The following ZNF66 variants were observed in gnomAD, a reference collection of about 807,000 sequenced individuals.
ZNF66 encodes putative zinc finger protein 66.
In ZNF66, 32 loss-of-function variants were observed where a neutral mutation model predicts 35.2. The ratio of observed to expected loss-of-function variants is 0.91; its 90% CI spans 0.69 to 1.22. ZNF66 has a LOEUF of 1.22. Ranked by LOEUF, ZNF66 falls within the 50% of genes most tolerant of loss-of-function variation. The pLI is 0.00. For synonymous variants in ZNF66, 231 were observed against 181.3 expected (o/e 1.27, Z -2.20); for missense variants, 666 against 543.1 (o/e 1.23, Z -2.25).
At chr19:20,780,383 C>T (rs944714450) in intron 1 of ZNF66, among the ~76,000 whole-genome samples, 59 of 152,108 alleles carry the variant, frequency 3.9e-4, no homozygotes, top group African/African-American at 2.4e-5. Flanking sequence ...TCCTGGGCTG[C>T]GTCTCACATA....
intron 1 of ZNF66, 136 bp downstream of exon 1, chr19:20,776,586 A>G: frequency 2.4e-6 from 3 of 1,244,754 alleles, no homozygotes; most frequent in Non-Finnish European, 3.5e-6. Flanking sequence ...CAGCCATAAG[A>G]TGGCGGCTAC....
At chr19:20,801,102 A>G (rs540542415) in intron 3 of ZNF66, among the ~76,000 whole-genome samples, 2 of 152,200 alleles carry the variant, frequency 1.3e-5, no homozygotes, top group African/African-American at 4.8e-5. Context: ...TCATTGTCCC[A>G]TGGTCGTACT....
In ZNF66 at chr19:20,807,394, GGAAA is replaced by G. The variant is rs1461152161; in HGVS notation, c.*75_*78del. ...AAACCCTATGAGTTTGATGAATGTGGGAAAGACTTTAACCAGCTATCAACTTTTA... is the reference window on the plus strand; with the variant it reads ...AAACCCTATGAGTTTGATGAATGTGGGACTTTAACCAGCTATCAACTTTTA... On this transcript the variant is annotated 3_prime_UTR_variant, in exon 4 of 4. Coordinates refer to ENST00000344519, the MANE Select transcript of ZNF66 (RefSeq NM_001355197.2). 1.8e-6 allele frequency: 1 copy of G among 560,426 alleles called. No homozygotes were observed. Among genetic ancestry groups the G allele is most frequent in the African/African-American group, 1.9e-5 (1 of 52,944 alleles). 34.7% of individuals were successfully genotyped at this position (560,426 alleles called of 1,614,324 possible).
intron 3 of ZNF66, 191 bp downstream of exon 3, chr19:20,794,069 T>A: frequency 1.7e-6 from 1 of 586,122 alleles, no homozygotes; most frequent in South Asian, 2.0e-5. Context: ...TATTGTCTTA[T>A]GCTTCTAAAT....
rs1335462976 is a variant in ZNF66 at position 20,809,217 on chromosome 19, A to G, written c.*1895A>G. On this transcript the variant is annotated 3_prime_UTR_variant, in exon 4 of 4. Transcript: ENST00000344519. ...ATCTACCTCTGATTGGTGTACCTGA[A>G]AGTGAGGGGGAGAATGGAACCAACT... is the stretch of plus-strand genomic sequence containing the variant. Among the ~76,000 whole-genome samples the G allele has an allele frequency of 5.3e-5, 8 of 152,214 alleles. No homozygotes were observed. Among genetic ancestry groups the G allele is most frequent in the Admixed American group, 4.6e-4 (7 of 15,278 alleles).
chr19:20,779,827 C>A (rs1276780850), intron 1 of ZNF66, among the ~76,000 whole-genome samples: 1 of 150,992 alleles, frequency 6.6e-6, no homozygotes, highest in African/African-American at 2.4e-5. Context: ...ACTCGGGAGG[C>A]TGAGGCAGGA....
chr19:20,782,394 T>A (rs8102151), intron 1 of ZNF66, among the ~76,000 whole-genome samples: 119,226 of 152,144 alleles, frequency 0.78, 46,993 homozygotes, highest in Non-Finnish European at 0.83. Flanking sequence ...ATACCCAATT[T>A]TGAGATTTCT....
intron 3 of ZNF66, among the ~76,000 whole-genome samples, chr19:20,797,580 T>G (rs978830580): frequency 5.3e-5 from 8 of 151,736 alleles, no homozygotes; most frequent in African/African-American, 1.9e-4. Context: ...TTTTTTTTTT[T>G]TGGGATGGAG....
At chr19:20,782,879 C>T (rs1971257056) in intron 1 of ZNF66, among the ~76,000 whole-genome samples, 1 of 151,948 alleles carries the variant, frequency 6.6e-6, no homozygotes, top group African/African-American at 2.4e-5. Context: ...TCAATTTTTG[C>T]TTTTGTTGCA....
chr19:20,789,817 T>A lies in ZNF66; in HGVS notation c.4-2695T>A, dbSNP rs193039500. On this transcript the variant is annotated intron_variant, in intron 1 of 3. Coordinates refer to ENST00000344519, the MANE Select transcript of ZNF66 (RefSeq NM_001355197.2). The stretch of plus-strand genomic sequence containing the variant: ...ACATAATGTGTTATGCCCAGCACAG[T>A]GCTCTGTATCATGCTCTTGAGCACA... 3.3e-5 allele frequency among the ~76,000 whole-genome samples: 5 copies of A among 152,350 alleles called. No individual in the cohort carries two copies. The East Asian group carries it at 9.6e-4, about 29-fold the overall frequency.
chr19:20,793,472 A>G (rs1971361718), intron 2 of ZNF66, among the ~76,000 whole-genome samples: 1 of 151,306 alleles, frequency 6.6e-6, no homozygotes, highest in African/African-American at 2.4e-5. Flanking sequence ...ACAGGCACAC[A>G]TCACTATGCT....
rs1030495308 is a variant in ZNF66, at chr19:20,808,272, G to A, written c.*950G>A. Among the ~76,000 whole-genome samples, 3 of 152,228 alleles carry A rather than the reference G, an allele frequency of 2.0e-5. No individual in the cohort carries two copies. Among genetic ancestry groups the A allele is most frequent in the African/African-American group, 2.4e-5 (1 of 41,462 alleles). ...CCTGCCTCTGTAGGCTCCACCTCTG[G>A]GGTCAGGGCACAGACAAAAAGACAG... is the stretch of plus-strand genomic sequence containing the variant. On this transcript the variant is annotated 3_prime_UTR_variant, in exon 4 of 4. Transcript: ENST00000344519.
At chr19:20,786,864 C>T (rs571139981) in intron 1 of ZNF66, among the ~76,000 whole-genome samples, 28 of 152,308 alleles carry the variant, frequency 1.8e-4, no homozygotes, top group African/African-American at 5.3e-4. Context: ...TGGGTTAAAG[C>T]AGTTCTTCTG....
In ZNF66 at chr19:20,806,604, A is replaced by G. The variant is rs375657965; in HGVS notation, c.1004A>G (p.His335Arg). The change falls in exon 4 of 4, where the codon CAT becomes CGT. Residue 335 changes from histidine (H) to arginine (R), a missense_variant. Physicochemically the swap from His to Arg is conservative, Grantham distance 29 (BLOSUM62 0). Coordinates refer to ENST00000344519, the MANE Select transcript of ZNF66 (RefSeq NM_001355197.2). ...SSHLTTHKRI[H>R]TGEKPYKCEE... The stretch of plus-strand genomic sequence containing the variant: ...CACCTTACTACACATAAGAGAATTC[A>G]TACTGGAGAGAAACCCTACAAATGT... 14 of 1,593,402 alleles carry G rather than the reference A, an allele frequency of 8.8e-6. No individual in the cohort carries two copies. The East Asian group carries it at 2.2e-4, about 25-fold the overall frequency.
At chr19:20,779,403 G>A (rs1440995117) in intron 1 of ZNF66, among the ~76,000 whole-genome samples, 1 of 152,154 alleles carries the variant, frequency 6.6e-6, no homozygotes, top group African/African-American at 2.4e-5. Flanking sequence ...ATCAGAGGAT[G>A]TCTTACCCTG....
intron 1 of ZNF66, among the ~76,000 whole-genome samples, chr19:20,791,309 A>AC (rs1599549406): frequency 6.6e-6 from 1 of 152,054 alleles, no homozygotes. Context: ...ACATGGTGGA[A>AC]CCCCGTCCCT....
In ZNF66 at chr19:20,808,215, G is replaced by T. The variant is rs969384269; in HGVS notation, c.*893G>T. On this transcript the variant is annotated 3_prime_UTR_variant, in exon 4 of 4. Transcript: ENST00000344519. The stretch of plus-strand genomic sequence containing the variant: ...GTAAAGCAGCTGGGAAGCTAGAACT[G>T]GGTGGAGCCCACCACAGCTCAAGGA... Among the ~76,000 whole-genome samples the T allele has an allele frequency of 6.6e-6, 1 of 152,212 alleles. No individual in the cohort carries two copies. The highest frequency in any genetic ancestry group is 6.5e-5 in the Admixed American group (1 of 15,276).
At chr19:20,783,830 A>G (rs1971264940) in intron 1 of ZNF66, among the ~76,000 whole-genome samples, 1 of 152,184 alleles carries the variant, frequency 6.6e-6, no homozygotes, top group Non-Finnish European at 1.5e-5. Flanking sequence ...TAGTGTTTGT[A>G]GACAAACTGC....
chr19:20,804,397 C>T (rs530504452), intron 3 of ZNF66, among the ~76,000 whole-genome samples: 111 of 152,098 alleles, frequency 7.3e-4, no homozygotes, highest in African/African-American at 2.4e-3. Context: ...GTGCTCACAA[C>T]CACACTTGGC....
Sources: allele counts gnomAD v4.1 joint callset (sites outside exome capture counted in the v4.1 genomes callset), GRCh38; gene constraint gnomAD v4.1.1; transcripts MANE v1.5; gene names NCBI Gene and HGNC (gene_info 2026-07-23, HGNC 2026-07-21).